HERC2: variants seen among roughly 807,000 people sequenced by gnomAD.
HERC2 encodes the protein E3 ubiquitin-protein ligase HERC2.
A neutral mutation model predicts 537.7 loss-of-function variants in HERC2; 102 were observed. That is an observed-to-expected ratio of 0.19 (90% CI 0.16 to 0.22). The LOEUF is 0.22. HERC2 is among the 10% of genes least tolerant of loss of function. The probability of loss-of-function intolerance (pLI) is 1.00; values close to 1 mark genes in which losing one functional copy is unlikely to be tolerated. For synonymous variants in HERC2, 2,224 were observed against 2,466.2 expected, an observed-to-expected ratio of 0.90 and a Z score of 2.91; for missense variants, 4,236 against 6,198.2, an observed-to-expected ratio of 0.68 and a Z score of 10.63.
At chr15:28,233,003 G>A (rs1481571410) in intron 30 of HERC2, 143 bp downstream of exon 30, 16 of 656,500 alleles carry the variant, frequency 2.4e-5, no homozygotes, top group Non-Finnish European at 2.4e-5. Context: ...GTATTTAATC[G>A]TAACTGTAAT....
chr15:28,261,938 C>A (rs909246641), intron 15 of HERC2, among the ~76,000 whole-genome samples: 2 of 152,136 alleles, frequency 1.3e-5, no homozygotes, highest in Non-Finnish European at 2.9e-5. Context: ...CAGGACCCAA[C>A]GAACTACAGC....
At chr15:28,251,571 C>G (rs1438163154) in intron 20 of HERC2, among the ~76,000 whole-genome samples, 1 of 152,042 alleles carries the variant, frequency 6.6e-6, no homozygotes, top group African/African-American at 2.4e-5. Flanking sequence ...GAGGCCAAGG[C>G]GGGCAGATTA....
At chr15:28,133,233 C>T (rs1012524377) in intron 79 of HERC2, among the ~76,000 whole-genome samples, 2 of 151,984 alleles carry the variant, frequency 1.3e-5, no homozygotes, top group South Asian at 4.2e-4. Flanking sequence ...TATGAATTAA[C>T]AATTCATTTA....
chr15:28,223,559 T>C (rs964157354), intron 35 of HERC2, among the ~76,000 whole-genome samples: 17 of 152,284 alleles, frequency 1.1e-4, no homozygotes, highest in Non-Finnish European at 1.5e-4. Flanking sequence ...AGTTGCATTC[T>C]AGGTGGATCT....
rs569393915 is a variant in HERC2 at position 28,111,389 on chromosome 15, G to A, written c.*374C>T. On this transcript the variant is annotated 3_prime_UTR_variant, in exon 93 of 93. Transcript: ENST00000261609. ...CCAATATACAATCAAGACGACTCAC[G>A]ACACTTGAAAGAAAGGAGAAAGAAA... The A allele has an allele frequency of 4.7e-4, 101 of 214,772 alleles. No individual in the cohort carries two copies. Among genetic ancestry groups the A allele is most frequent in the African/African-American group, 2.2e-3 (94 of 42,270 alleles). The allele number at this position is 214,772 out of a possible 1,614,324, so 13.3% of individuals were successfully genotyped here. A position where few individuals can be genotyped will look rare whatever the true frequency, so the allele number is the denominator to read the frequency against.
chr15:28,148,037 CAAAAAAA>C lies in HERC2; in HGVS notation c.10901-1700_10901-1694del, dbSNP rs539057001. On this transcript the variant is annotated intron_variant, in intron 70 of 92. Coordinates refer to ENST00000261609, the MANE Select transcript of HERC2 (RefSeq NM_004667.6). ...GGGTGACAGAGCAAGACTGTGTCTC[CAAAAAAA>C]AAAAAAAGAAAAGTGAGAATAAGGA... 5.7e-3 allele frequency among the ~76,000 whole-genome samples: 535 copies of C among 93,768 alleles called. 2 individuals carry two copies. The highest frequency in any genetic ancestry group is 0.02 in the African/African-American group (507 of 25,268). 61.5% of individuals were successfully genotyped at this position (93,768 alleles called of 152,430 possible).
At chr15:28,132,615 C>A in intron 80 of HERC2, 38 bp downstream of exon 80, 1 of 1,372,424 alleles carries the variant, frequency 7.3e-7, no homozygotes, top group Non-Finnish European at 9.5e-7. Context: ...CAGTGAGGAG[C>A]ATGCAGCCTC....
intron 37 of HERC2, among the ~76,000 whole-genome samples, chr15:28,219,232 T>C (rs1900257081): frequency 6.6e-6 from 1 of 152,222 alleles, no homozygotes; most frequent in Non-Finnish European, 1.5e-5. Context: ...CCGGCATCTG[T>C]GGAGTGGGGC....
At chr15:28,199,087 C>G (rs992671129) in intron 48 of HERC2, among the ~76,000 whole-genome samples, 4 of 151,346 alleles carry the variant, frequency 2.6e-5, no homozygotes, top group African/African-American at 9.7e-5. Context: ...GTGGAGGTTA[C>G]AATGAGCCAA....
rs760549272 is a variant in HERC2, at chr15:28,177,537, C to A, written c.9164-28G>T. On this transcript the variant is annotated intron_variant, in intron 59 of 92. Coordinates refer to ENST00000261609, the MANE Select transcript of HERC2 (RefSeq NM_004667.6). The surrounding 1 kb of genome is among the most constrained non-coding windows in gnomAD (Gnocchi z 5.0). ...GCAACATTCACAGACACACGGATTGCCAAAGGGCAGGGAACAGAAAGCCCA... is the reference window on the plus strand; with the variant it reads ...GCAACATTCACAGACACACGGATTGACAAAGGGCAGGGAACAGAAAGCCCA... 1.9e-6 allele frequency: 3 copies of A among 1,609,186 alleles called. No individual in the cohort carries two copies.
intron 3 of HERC2, among the ~76,000 whole-genome samples, chr15:28,295,117 A>C (rs2076426623): frequency 6.6e-6 from 1 of 152,162 alleles, no homozygotes; most frequent in Non-Finnish European, 1.5e-5. Context: ...TGATAACACC[A>C]AGTGCTAACA....
intron 44 of HERC2, among the ~76,000 whole-genome samples, chr15:28,209,682 A>G (rs936501762): frequency 2.8e-4 from 42 of 152,312 alleles, no homozygotes; most frequent in South Asian, 6.2e-4. Flanking sequence ...GGGAGGATGT[A>G]CATAGGTTAT....
At chr15:28,168,699 G>A in intron 66 of HERC2, 109 bp from the exon 67 acceptor site, 1 of 920,696 alleles carries the variant, frequency 1.1e-6, no homozygotes, top group Non-Finnish European at 1.6e-6. Flanking sequence ...CATTTTTACT[G>A]AATACATGTA....
At position 28,284,331 on chromosome 15, in the gene HERC2, G is replaced by A. The variant is rs545924657; in HGVS notation, c.323-4044C>T. Among the ~76,000 whole-genome samples the A allele has an allele frequency of 5.0e-4, 75 of 151,092 alleles. No individual in the cohort carries two copies. In the East Asian group the frequency reaches 0.01, roughly 21 times the overall value. On this transcript the variant is annotated intron_variant, in intron 4 of 92. Coordinates refer to ENST00000261609, the MANE Select transcript of HERC2 (RefSeq NM_004667.6). Reference sequence around the variant, plus strand: ...ACAGAGAGCCAGGAAGAACCAAACCGAAAAAATGAAAAACAGAAGAAATAG... The same window carrying A: ...ACAGAGAGCCAGGAAGAACCAAACCAAAAAAATGAAAAACAGAAGAAATAG...
At chr15:28,235,624 C>T (rs150458870) in intron 26 of HERC2, among the ~76,000 whole-genome samples, 6 of 152,198 alleles carry the variant, frequency 3.9e-5, no homozygotes, top group Non-Finnish European at 7.3e-5. Flanking sequence ...TTTTCTGCCC[C>T]GAATGCTCCC....
At chr15:28,270,061 A>G (rs1195128143) in intron 10 of HERC2, among the ~76,000 whole-genome samples, 1 of 152,184 alleles carries the variant, frequency 6.6e-6, no homozygotes, top group African/African-American at 2.4e-5. Flanking sequence ...TCCCGGGTTC[A>G]AGTGATTCTC....
At chr15:28,195,446 C>G (rs753761512) in intron 52 of HERC2, among the ~76,000 whole-genome samples, 9 of 152,046 alleles carry the variant, frequency 5.9e-5, no homozygotes, top group Non-Finnish European at 1.2e-4. Flanking sequence ...GGGCGACAGA[C>G]TGAGACTCTG....
chr15:28,159,391 G>A (rs1347474057), intron 69 of HERC2, among the ~76,000 whole-genome samples: 2 of 151,986 alleles, frequency 1.3e-5, no homozygotes, highest in African/African-American at 4.8e-5. Flanking sequence ...TCATAGATTT[G>A]GTCTTTTCAC....
intron 78 of HERC2, among the ~76,000 whole-genome samples, chr15:28,137,963 A>T (rs1384728933): frequency 1.3e-5 from 2 of 152,244 alleles, no homozygotes; most frequent in Non-Finnish European, 2.9e-5. Context: ...AATGCAAAAC[A>T]GTCTTATTGC....
Sources: allele counts gnomAD v4.1 joint callset (sites outside exome capture counted in the v4.1 genomes callset), GRCh38; gene constraint gnomAD v4.1.1; non-coding constraint Gnocchi (gnomAD v3.1); transcripts MANE v1.5; gene names NCBI Gene and HGNC (gene_info 2026-07-23, HGNC 2026-07-21).